EXTL3: variants seen among roughly 807,000 people sequenced by gnomAD.
EXTL3 encodes exostosin like glycosyltransferase 3.
EXTL3 carries 27 observed loss-of-function variants against 69.3 expected under a neutral mutation model. The observed-to-expected ratio is 0.39, with a 90% confidence interval of 0.29 to 0.54. The LOEUF (loss-of-function observed/expected upper bound fraction) is 0.54. Ranked by LOEUF, EXTL3 falls within the 20% of genes least tolerant of loss-of-function variation. The pLI is 0.69. For synonymous variants in EXTL3, 511 were observed against 499.4 expected, an observed-to-expected ratio of 1.02 and a Z score of -0.31; for missense variants, 1,003 against 1,231.8, an observed-to-expected ratio of 0.81 and a Z score of 2.78.
chr8:28,622,790 G>A (rs1460407938), exon 1 of EXTL3: 1 of 152,440 alleles, frequency 6.6e-6, no homozygotes, highest in East Asian at 1.9e-4. Flanking sequence ...TGGAGACCGC[G>A]GGACCTGGCG....
Position 28,716,424 on chromosome 8 carries a change from A to G in EXTL3, c.365A>G (p.Glu122Gly). ...ATCGAAGCCTGTAAGAAGAGCATTG[A>G]GAACGCCAAGCAGGACCTGCTCCAG... Reference protein sequence around the residue: ...LKIEACKKSIENAKQDLLQLK... With the variant: ...LKIEACKKSIGNAKQDLLQLK... The change falls in exon 3 of 7, where the codon GAG becomes GGG. Residue 122 changes from glutamate to glycine, a missense_variant. Physicochemically the swap from Glu to Gly is moderately conservative, Grantham distance 98. Transcript: ENST00000220562. The surrounding 1 kb of genome is among the most constrained non-coding windows in gnomAD (Gnocchi z 7.1). 6.2e-7 allele frequency: 1 copy of G among 1,613,836 alleles called. No homozygotes were observed.
intron 1 of EXTL3, among the ~76,000 whole-genome samples, chr8:28,654,657 C>T (rs1806977407): frequency 6.6e-6 from 1 of 152,176 alleles, no homozygotes; most frequent in South Asian, 2.1e-4. Context: ...ATTGTAATAT[C>T]ATCTCTAATA....
At chr8:28,730,478 G>T (rs1801513524) in intron 3 of EXTL3, among the ~76,000 whole-genome samples, 1 of 151,778 alleles carries the variant, frequency 6.6e-6, no homozygotes, top group African/African-American at 2.4e-5. Context: ...CACACTGTAG[G>T]TAAACTATAC....
At chr8:28,680,756 T>C (rs1023321641) in intron 1 of EXTL3, among the ~76,000 whole-genome samples, 2 of 152,222 alleles carry the variant, frequency 1.3e-5, no homozygotes, top group Non-Finnish European at 2.9e-5. Context: ...TTCTCTACTT[T>C]TATGAGTTTG....
intron 1 of EXTL3, among the ~76,000 whole-genome samples, chr8:28,702,612 T>G (rs1800835226): frequency 6.7e-6 from 1 of 148,526 alleles, no homozygotes; most frequent in South Asian, 2.2e-4. Context: ...GGATTTTTCT[T>G]CCCTTTTTAA....
intron 1 of EXTL3, among the ~76,000 whole-genome samples, chr8:28,650,233 A>G (rs1259320017): frequency 6.6e-6 from 1 of 151,208 alleles, no homozygotes; most frequent in East Asian, 1.9e-4. Context: ...GATGTTGTCT[A>G]AGGCCTCTCT....
chr8:28,640,936 A>ATT (rs376341528), intron 1 of EXTL3, among the ~76,000 whole-genome samples: 7 of 150,674 alleles, frequency 4.6e-5, no homozygotes, highest in African/African-American at 1.7e-4. Flanking sequence ...GTGTAGTATG[A>ATT]TTTTTTTTTT....
chr8:28,643,667 C>T (rs989755028), intron 1 of EXTL3, among the ~76,000 whole-genome samples: 2 of 152,138 alleles, frequency 1.3e-5, no homozygotes, highest in Non-Finnish European at 2.9e-5. Flanking sequence ...ATCCACCAGC[C>T]TCAGCCTCCC....
chr8:28,737,570 C>T lies in EXTL3; in HGVS notation c.2328C>T (p.His776=), dbSNP rs540742947. ...TCGTGGGCTTCCCTGGCCGTTACCA[C>T]GCATGGGACATCCCCCATCAGTCCT... ...DRIVGFPGRY[H]AWDIPHQSWL... is the part of the protein sequence containing the mutation. The change falls in exon 5 of 7, where the codon CAC becomes CAT. Residue 776 remains histidine (H), a synonymous_variant. Transcript: ENST00000220562. 42 of 1,614,056 alleles carry T rather than the reference C, an allele frequency of 2.6e-5. No homozygotes were observed. The highest frequency in any genetic ancestry group is 2.5e-4 in the South Asian group (23 of 91,084).
intron 1 of EXTL3, among the ~76,000 whole-genome samples, chr8:28,670,486 T>G (rs564627631): frequency 6.6e-6 from 1 of 152,254 alleles, no homozygotes; most frequent in South Asian, 2.1e-4. Context: ...TGATGTAAAT[T>G]CTAGTTCGAA....
At chr8:28,725,789 A>G (rs1449563141) in intron 3 of EXTL3, among the ~76,000 whole-genome samples, 1 of 152,146 alleles carries the variant, frequency 6.6e-6, no homozygotes, top group African/African-American at 2.4e-5. Flanking sequence ...TGTGGGGTTG[A>G]GGGAAGAGTG....
intron 1 of EXTL3, among the ~76,000 whole-genome samples, chr8:28,646,321 A>G (rs1806829921): frequency 6.6e-6 from 1 of 152,228 alleles, no homozygotes; most frequent in Non-Finnish European, 1.5e-5. Flanking sequence ...TCTTGCGTTG[A>G]TAACACTTTT....
intron 1 of EXTL3, among the ~76,000 whole-genome samples, chr8:28,669,686 T>C (rs1276930853): frequency 6.6e-6 from 1 of 152,194 alleles, no homozygotes; most frequent in African/African-American, 2.4e-5. Flanking sequence ...ACATGTTGTT[T>C]CCATTTTTGA....
At chr8:28,651,708 C>T (rs924114334) in intron 1 of EXTL3, among the ~76,000 whole-genome samples, 1 of 152,166 alleles carries the variant, frequency 6.6e-6, no homozygotes, top group Non-Finnish European at 1.5e-5. Context: ...ATACATATAA[C>T]ATAAAATTTC....
chr8:28,633,151 T>C (rs138309894), intron 1 of EXTL3, among the ~76,000 whole-genome samples: 1,931 of 151,508 alleles, frequency 0.013, 52 homozygotes, highest in African/African-American at 0.045. Context: ...CCAGCCTGGG[T>C]AACATAGCAA....
In EXTL3 at chr8:28,673,985, T is replaced by C. The variant is rs1807340283; in HGVS notation, c.-52-39472T>C. Reference sequence around the variant, plus strand: ...CTAATAGTCCATAACGTGAGCTGTTTGTAGAGATACACAGAATACTGTGTT... The same window carrying C: ...CTAATAGTCCATAACGTGAGCTGTTCGTAGAGATACACAGAATACTGTGTT... On this transcript the variant is annotated intron_variant, in intron 1 of 6. Coordinates refer to the EXTL3 transcript ENST00000523149. Among the ~76,000 whole-genome samples, 5 of 152,346 alleles carry C rather than the reference T, an allele frequency of 3.3e-5. No individual in the cohort carries two copies. In the South Asian group the frequency reaches 1.0e-3, roughly 32 times the overall value.
rs550038805 is a variant in EXTL3 at position 28,624,414 on chromosome 8, A to G, written c.-53+1604A>G. ...CCTCATGTCTACAAAAAATGAAAAA[A>G]TTAGCCGGCATGGTAGTGAGCACCT... On this transcript the variant is annotated intron_variant, in intron 1 of 6. Coordinates refer to the EXTL3 transcript ENST00000523149. Among the ~76,000 whole-genome samples, 57 of 152,154 alleles carry G rather than the reference A, an allele frequency of 3.7e-4. No homozygotes were observed. In the South Asian group the frequency reaches 4.1e-3, roughly 11 times the overall value.
chr8:28,740,963 C>G (rs897803804), intron 5 of EXTL3: 33 of 150,084 alleles, frequency 2.2e-4, no homozygotes, highest in African/African-American at 8.1e-4. Flanking sequence ...TTTTTTTTCT[C>G]TTCTTTTTGA....
chr8:28,746,416 T>C (rs759293416), intron 6 of EXTL3, among the ~76,000 whole-genome samples: 13 of 152,184 alleles, frequency 8.5e-5, no homozygotes, highest in Non-Finnish European at 1.9e-4. Context: ...AGTGAACGTC[T>C]TGGTTCTCTG....
Sources: gnomAD v4.1 joint callset for allele counts (sites outside exome capture counted in the v4.1 genomes callset) on GRCh38, gnomAD v4.1.1 for gene constraint, Gnocchi (gnomAD v3.1) non-coding constraint, MANE v1.5 for transcripts, NCBI Gene and HGNC (gene_info 2026-07-23, HGNC 2026-07-21) for gene names.